The following CBX1 variants were observed in gnomAD, a reference collection of about 807,000 sequenced individuals.
CBX1 encodes the protein chromobox protein homolog 1.
CBX1 carries 10 observed loss-of-function variants against 25.1 expected under a neutral mutation model. The observed-to-expected ratio is 0.40, with a 90% CI of 0.25 to 0.68. The LOEUF is 0.68. Among genes scored for constraint, CBX1 ranks in the 30% least tolerant of loss-of-function variants. The probability of loss-of-function intolerance (pLI) is 0.40; values close to 1 mark genes in which losing one functional copy is unlikely to be tolerated. For missense variants in CBX1, 106 were observed against 218.5 expected (o/e 0.49, Z 3.25); for synonymous variants, 63 against 79.4 (o/e 0.79, Z 1.10).
intron 3 of CBX1, 48 bp downstream of exon 3, chr17:48,075,953 C>T (rs1437182792): frequency 1.4e-6 from 2 of 1,384,328 alleles, no homozygotes; most frequent in Non-Finnish European, 2.0e-6. Context: ...ACTACTTTGA[C>T]AGTAGTTTGA....
Position 48,086,069 on chromosome 17 carries a change from T to C in CBX1, c.-37-9028A>G, listed in dbSNP as rs759573203. ...CTGGGTGACACAGCGAGACTCTGTC[T>C]CAATAAAAAACAAAACAAAACAAAA... On this transcript the variant is annotated intron_variant, in intron 1 of 4. Coordinates refer to ENST00000225603, the MANE Select transcript of CBX1 (RefSeq NM_001127228.2). Among the ~76,000 whole-genome samples, 21 of 152,030 alleles carry C rather than the reference T, an allele frequency of 1.4e-4. No homozygotes were observed. In the South Asian group the frequency reaches 1.5e-3, roughly 11 times the overall value.
rs900987218 is a variant in CBX1 at position 48,082,654 on chromosome 17, G to GCCT, written c.-37-5616_-37-5614dup. On this transcript the variant is annotated intron_variant, in intron 1 of 4. Transcript: ENST00000225603. ...CAGGTTCAAATGATCCTCTTCCTTAGCCTCCCGAGTAGCTGGGACTACAGA... is the reference window on the plus strand; with the variant it reads ...CAGGTTCAAATGATCCTCTTCCTTAGCCTCCTCCCGAGTAGCTGGGACTACAGA... Among the ~76,000 whole-genome samples, 11 of 147,982 alleles carry GCCT rather than the reference G, an allele frequency of 7.4e-5. 2 individuals carry two copies. The highest frequency in any genetic ancestry group is 2.9e-4 in the African/African-American group (11 of 38,414).
intron 1 of CBX1, among the ~76,000 whole-genome samples, chr17:48,097,550 G>T (rs922178474): frequency 7.3e-5 from 11 of 151,288 alleles, no homozygotes; most frequent in Admixed American, 1.3e-4. Flanking sequence ...CTGGGAGGCG[G>T]AGGTTGCAGT....
At chr17:48,086,226 C>T (rs189780758) in intron 1 of CBX1, among the ~76,000 whole-genome samples, 1 of 152,280 alleles carries the variant, frequency 6.6e-6, no homozygotes, top group East Asian at 1.9e-4. Flanking sequence ...ACCCTCCACC[C>T]CTGCACTGAG....
intron 1 of CBX1, among the ~76,000 whole-genome samples, chr17:48,086,958 G>A (rs1567767562): frequency 6.6e-6 from 1 of 152,096 alleles, no homozygotes; most frequent in Non-Finnish European, 1.5e-5. Flanking sequence ...GGGAGGCAGA[G>A]GTGGGCAGAT....
chr17:48,087,498 C>T (rs957881773), intron 1 of CBX1, among the ~76,000 whole-genome samples: 8 of 150,966 alleles, frequency 5.3e-5, no homozygotes, highest in Non-Finnish European at 1.2e-4. Context: ...AGCTTGAACC[C>T]GGGAGGCGGA....
At chr17:48,086,554 G>A (rs2063312959) in intron 1 of CBX1, among the ~76,000 whole-genome samples, 1 of 152,168 alleles carries the variant, frequency 6.6e-6, no homozygotes, top group Non-Finnish European at 1.5e-5. Flanking sequence ...CCAAGGTGAG[G>A]CATTTAAAAT....
At chr17:48,100,753 A>G (rs1260416516) in intron 1 of CBX1, 2 of 984,398 alleles carry the variant, frequency 2.0e-6, no homozygotes, top group Non-Finnish European at 2.4e-6. Context: ...CAATCAGCAC[A>G]CCTTGTGCGG....
chr17:48,096,726 G>A (rs533112049), intron 1 of CBX1, among the ~76,000 whole-genome samples: 6 of 151,960 alleles, frequency 3.9e-5, no homozygotes, highest in Non-Finnish European at 5.9e-5. Context: ...AGTGAGCTGA[G>A]TGGAGTGCAC....
At chr17:48,080,919 C>CAAAA (rs1176173688) in intron 1 of CBX1, among the ~76,000 whole-genome samples, 2 of 11,550 alleles carry the variant, frequency 1.7e-4, no homozygotes, top group African/African-American at 3.3e-4. Flanking sequence ...GACTCCATCT[C>CAAAA]AAAAAAAAAA....
At chr17:48,077,861 T>A (rs933295354) in intron 1 of CBX1, among the ~76,000 whole-genome samples, 6 of 152,076 alleles carry the variant, frequency 3.9e-5, no homozygotes, top group Admixed American at 2.0e-4. Context: ...AAATATTGCA[T>A]TAAATTGAAA....
intron 1 of CBX1, among the ~76,000 whole-genome samples, chr17:48,078,109 A>C (rs957840412): frequency 1.3e-5 from 2 of 151,880 alleles, no homozygotes; most frequent in African/African-American, 4.8e-5. Context: ...AAAAATGTGC[A>C]CATATCAATA....
intron 1 of CBX1, among the ~76,000 whole-genome samples, chr17:48,077,445 G>GTT (rs796350669): frequency 0.24 from 12,371 of 51,274 alleles, 1,373 homozygotes; most frequent in African/African-American, 0.32. Context: ...TTTTTTTTTT[G>GTT]TTTTTTTTGT....
chr17:48,097,619 A>AC (rs1284209760), intron 1 of CBX1, among the ~76,000 whole-genome samples: 1 of 151,178 alleles, frequency 6.6e-6, no homozygotes, highest in East Asian at 1.9e-4. Flanking sequence ...TCTGTCTCAA[A>AC]AAAAAAAAAA....
At chr17:48,074,216 T>C (rs571974140) in intron 4 of CBX1, among the ~76,000 whole-genome samples, 3 of 151,960 alleles carry the variant, frequency 2.0e-5, no homozygotes, top group African/African-American at 2.4e-5. Flanking sequence ...CAAAGCTCCA[T>C]AGACTGTGTG....
intron 1 of CBX1, chr17:48,100,886 G>A: frequency 1.0e-6 from 1 of 985,632 alleles, no homozygotes; most frequent in Non-Finnish European, 1.2e-6. Context: ...CGGGTTGTGC[G>A]GTCGTATGCG....
chr17:48,100,788 C>T (rs1407466512), intron 1 of CBX1: 12 of 985,400 alleles, frequency 1.2e-5, no homozygotes, highest in African/African-American at 3.5e-5. Context: ...CCAATTCACT[C>T]GACGTTACTC....
At position 48,071,423 on chromosome 17, in the gene CBX1, T is replaced by A. The variant is rs748954073; in HGVS notation, c.*12A>T. 4.4e-6 allele frequency: 7 copies of A among 1,600,286 alleles called. No individual in the cohort carries two copies. In the South Asian group the frequency reaches 7.9e-5, roughly 18 times the overall value. ...CACAGTCAGATGTGACAGGGGCTGG[T>A]ACTCAGGAGCGTTAGTTCTTGTCAT... On this transcript the variant is annotated 3_prime_UTR_variant, in exon 5 of 5. Coordinates refer to ENST00000225603, the MANE Select transcript of CBX1 (RefSeq NM_001127228.2).
intron 1 of CBX1, among the ~76,000 whole-genome samples, chr17:48,082,159 T>C (rs1255957377): frequency 6.6e-6 from 1 of 152,016 alleles, no homozygotes; most frequent in Non-Finnish European, 1.5e-5. Flanking sequence ...TGAGCTGTGA[T>C]TGTGCCACTG....
Sources: gnomAD v4.1 joint callset for allele counts (sites outside exome capture counted in the v4.1 genomes callset) on GRCh38, gnomAD v4.1.1 for gene constraint, MANE v1.5 for transcripts, NCBI Gene and HGNC (gene_info 2026-07-23, HGNC 2026-07-21) for gene names.